Variants in SLC29A4 observed in about 807,000 individuals in gnomAD.
SLC29A4 encodes equilibrative nucleoside transporter 4.
SLC29A4 carries 36 observed loss-of-function variants against 43.9 expected under a neutral mutation model. The observed-to-expected ratio is 0.82, with a 90% CI of 0.63 to 1.08. SLC29A4 has a LOEUF of 1.08. Among genes scored for constraint, SLC29A4 ranks in the 50% least tolerant of loss-of-function variants. The pLI, the probability that SLC29A4 is intolerant of heterozygous loss-of-function variation, is 0.00. For synonymous variants in SLC29A4, 491 were observed against 338.0 expected, an observed-to-expected ratio of 1.45 and a Z score of -4.97; for missense variants, 869 against 755.3, an observed-to-expected ratio of 1.15 and a Z score of -1.77.
At chr7:5,298,940 C>T (rs1785918464) in intron 7 of SLC29A4, 48 bp from the exon 8 acceptor site, 9 of 1,582,962 alleles carry the variant, frequency 5.7e-6, no homozygotes, top group African/African-American at 4.0e-5. Context: ...CCCGTGTCTC[C>T]TGTCCTCCCT....
At chr7:5,287,752 G>A (rs538654646) in intron 1 of SLC29A4, 57 bp from the exon 2 acceptor site, 1 of 1,554,818 alleles carries the variant, frequency 6.4e-7, no homozygotes, top group Admixed American at 1.9e-5. Context: ...CAGTGCATGA[G>A]CCATGGATCC....
chr7:5,305,574 T>G lies in SLC29A4; in HGVS notation c.*2635T>G, dbSNP rs1786442900. 1 of 151,098 alleles carries G rather than the reference T, an allele frequency of 6.6e-6. No individual in the cohort carries two copies. The highest frequency in any genetic ancestry group is 1.5e-5 in the Non-Finnish European group (1 of 67,802). 9.4% of individuals were successfully genotyped at this position (151,098 alleles called of 1,614,324 possible). The stretch of plus-strand genomic sequence containing the variant: ...CAGCTTTGCTTTTTTTTTTTTTTTT[T>G]TTGGAGGAGTTTCGCTTTTGTTGCC... On this transcript the variant is annotated 3_prime_UTR_variant, in exon 11 of 11. Coordinates refer to ENST00000396872, the MANE Select transcript of SLC29A4 (RefSeq NM_153247.4).
chr7:5,294,430 A>G (rs1399565438), intron 5 of SLC29A4, among the ~76,000 whole-genome samples: 2 of 151,994 alleles, frequency 1.3e-5, no homozygotes, highest in African/African-American at 4.8e-5. Context: ...CAGTGGTTCC[A>G]TAGAACAAGC....
intron 1 of SLC29A4, among the ~76,000 whole-genome samples, chr7:5,287,072 T>TC (rs1785000979): frequency 6.6e-6 from 1 of 152,094 alleles, no homozygotes; most frequent in Admixed American, 6.6e-5. Flanking sequence ...GCCATTCTCC[T>TC]CCCCTCTGAC....
Position 5,291,108 on chromosome 7 carries a change from C to A in SLC29A4, c.302-16C>A. 1 of 1,612,576 alleles carries A rather than the reference C, an allele frequency of 6.2e-7. No individual in the cohort carries two copies. Among genetic ancestry groups the A allele is most frequent in the Non-Finnish European group, 8.5e-7 (1 of 1,179,148 alleles). On this transcript the variant is annotated splice_polypyrimidine_tract_variant and intron_variant, in intron 3 of 10. Coordinates refer to ENST00000396872, the MANE Select transcript of SLC29A4 (RefSeq NM_153247.4). The stretch of plus-strand genomic sequence containing the variant: ...TGGGGCCTCCCTGAGCACCTGCTGT[C>A]TCTGGCCCTCTGCAGGGACCTCCAT...
At chr7:5,288,101 C>T (rs1251682254) in intron 2 of SLC29A4, 116 bp downstream of exon 2, 121 of 1,279,496 alleles carry the variant, frequency 9.5e-5, no homozygotes, top group Non-Finnish European at 1.2e-4. Flanking sequence ...GGACTGGAGG[C>T]AGTGCCTGTC....
Position 5,291,165 on chromosome 7 carries a change from G to A in SLC29A4, c.343G>A (p.Val115Met). The A allele has an allele frequency of 3.1e-6, 5 of 1,613,898 alleles. No individual in the cohort carries two copies. The highest frequency in any genetic ancestry group is 4.2e-6 in the Non-Finnish European group (5 of 1,180,020). The change falls in exon 4 of 11, where the codon GTG becomes ATG. Residue 115 changes from valine (V) to methionine (M), a missense_variant. Coordinates refer to ENST00000396872, the MANE Select transcript of SLC29A4 (RefSeq NM_153247.4). The part of the protein sequence containing the change: ...VFDMSLTYIL[V>M]ALAAVLLNNV... Reference sequence around the variant, plus strand: ...TGACATGAGCCTCACCTACATCTTGGTGGCACTGGCAGCTGTCCTCCTGAA... The same window carrying A: ...TGACATGAGCCTCACCTACATCTTGATGGCACTGGCAGCTGTCCTCCTGAA...
intron 9 of SLC29A4, among the ~76,000 whole-genome samples, chr7:5,299,730 C>A (rs1279392450): frequency 6.6e-6 from 1 of 152,184 alleles, no homozygotes; most frequent in Non-Finnish European, 1.5e-5. Flanking sequence ...AGAGGGGACT[C>A]AGAGAAGGCA....
At chr7:5,298,074 C>T (rs545824810) in intron 7 of SLC29A4, among the ~76,000 whole-genome samples, 113 of 152,208 alleles carry the variant, frequency 7.4e-4, no homozygotes, top group Non-Finnish European at 1.0e-3. Flanking sequence ...AGAGGCGGGG[C>T]GAGGGAGCCA....
In SLC29A4 at chr7:5,284,032, A is replaced by ACCCCCCCCCC. The variant is rs79051188; in HGVS notation, c.-9+952_-9+961dup. Among the ~76,000 whole-genome samples, 18 of 72,330 alleles carry ACCCCCCCCCC rather than the reference A, an allele frequency of 2.5e-4. 1 individual carries two copies. The highest frequency in any genetic ancestry group is 4.5e-4 in the African/African-American group (9 of 19,826). The allele number at this position is 72,330 out of a possible 152,430, so 47.5% of individuals were successfully genotyped here. On this transcript the variant is annotated intron_variant, in intron 1 of 10. Transcript: ENST00000396872. ...GCCAGGCTCCAGTCTGAGCTGCACG[A>ACCCCCCCCCC]CCCCCCCCCCCACCCCCGACTTGGC...
At chr7:5,301,764 G>GA (rs1786182572) in intron 10 of SLC29A4, among the ~76,000 whole-genome samples, 1 of 152,144 alleles carries the variant, frequency 6.6e-6, no homozygotes, top group Non-Finnish European at 1.5e-5. Context: ...GGGTGTGGGA[G>GA]AGGGAAGGGG....
chr7:5,287,927 G>C lies in SLC29A4; in HGVS notation c.111G>C (p.Ala37=). The C allele has an allele frequency of 6.2e-7, 1 of 1,611,928 alleles. No individual in the cohort carries two copies. The highest frequency in any genetic ancestry group is 8.5e-7 in the Non-Finnish European group (1 of 1,179,808). Residue 37 remains alanine, a synonymous_variant, in exon 2 of 11, where the codon GCG becomes GCC. Coordinates refer to ENST00000396872, the MANE Select transcript of SLC29A4 (RefSeq NM_153247.4). ...TFDSHQLEEA[A]EAAQGQGLRA... is the part of the protein sequence containing the mutation. ...ACAGTCACCAGCTGGAGGAGGCGGCGGAGGCGGCTCAGGGCCAGGGCCTTA... is the reference window on the plus strand; with the variant it reads ...ACAGTCACCAGCTGGAGGAGGCGGCCGAGGCGGCTCAGGGCCAGGGCCTTA...
chr7:5,299,418 C>T lies in SLC29A4; in HGVS notation c.1200C>T (p.Phe400=), dbSNP rs142638970. ...LIMAVFNLSD[F]VGKILAALPV... is the part of the protein sequence containing the mutation. Reference sequence around the variant, plus strand: ...TGGCTGTGTTCAACCTGTCAGACTTCGTGGGCAAGGTGGGCTGCCTGCCCT... The same window carrying T: ...TGGCTGTGTTCAACCTGTCAGACTTTGTGGGCAAGGTGGGCTGCCTGCCCT... Residue 400 remains phenylalanine, a synonymous_variant, in exon 9 of 11, where the codon TTC becomes TTT. Transcript: ENST00000396872. 7,733 of 1,610,692 alleles carry T rather than the reference C, an allele frequency of 4.8e-3. 25 individuals carry two copies. The highest frequency in any genetic ancestry group is 6.2e-3 in the Non-Finnish European group (7,253 of 1,178,840).
In SLC29A4 at chr7:5,303,030, C is replaced by T. The variant is rs973779543; in HGVS notation, c.*91C>T. 1.0e-4 allele frequency: 143 copies of T among 1,430,320 alleles called. No individual in the cohort carries two copies. The highest frequency in any genetic ancestry group is 1.2e-4 in the Non-Finnish European group (123 of 1,061,390). 88.6% of individuals were successfully genotyped at this position (1,430,320 alleles called of 1,614,324 possible). ...TCCCCTGTCCCCACCTCAGTGCCTGCGGGGCCCTGAGCCTCCCCCTGTGCC... is the reference window on the plus strand; with the variant it reads ...TCCCCTGTCCCCACCTCAGTGCCTGTGGGGCCCTGAGCCTCCCCCTGTGCC... On this transcript the variant is annotated 3_prime_UTR_variant, in exon 11 of 11. Transcript: ENST00000396872.
At chr7:5,297,615 C>T (rs936035688) in intron 7 of SLC29A4, among the ~76,000 whole-genome samples, 3 of 152,252 alleles carry the variant, frequency 2.0e-5, no homozygotes, top group East Asian at 1.9e-4. Context: ...CAGGCTCAGC[C>T]TGGCAGCAAA....
intron 9 of SLC29A4, among the ~76,000 whole-genome samples, chr7:5,300,164 T>G (rs537224260): frequency 6.6e-6 from 1 of 151,932 alleles, no homozygotes; most frequent in East Asian, 1.9e-4. Context: ...CCCGGGAGTT[T>G]GAGGCTGCAG....
rs2128093740 is a variant in SLC29A4 at position 5,303,820 on chromosome 7, GC to G, written c.*882del. On this transcript the variant is annotated 3_prime_UTR_variant, in exon 11 of 11. Coordinates refer to ENST00000396872, the MANE Select transcript of SLC29A4 (RefSeq NM_153247.4). ...AAGGGTCCCTGGAACGTAGGGAGGGGCTGGGGGTCAGTCCAGCCCGGGCCTC... is the reference window on the plus strand; with the variant it reads ...AAGGGTCCCTGGAACGTAGGGAGGGGTGGGGGTCAGTCCAGCCCGGGCCTC... The G allele has an allele frequency of 6.6e-6, 1 of 152,378 alleles. No individual in the cohort carries two copies. The highest frequency in any genetic ancestry group is 1.9e-4 in the East Asian group (1 of 5,174). 9.4% of individuals were successfully genotyped at this position (152,378 alleles called of 1,614,324 possible). A position where few individuals can be genotyped will look rare whatever the true frequency, so the allele number is the denominator to read the frequency against.
At chr7:5,297,276 G>C (rs1285257091) in intron 7 of SLC29A4, 78 bp downstream of exon 7, 38 of 1,414,408 alleles carry the variant, frequency 2.7e-5, no homozygotes, top group Non-Finnish European at 3.5e-5. Context: ...AAGTACCTGG[G>C]GCCCAGCCTC....
chr7:5,297,614 C>T (rs1348744381), intron 7 of SLC29A4, among the ~76,000 whole-genome samples: 2 of 152,240 alleles, frequency 1.3e-5, no homozygotes, highest in African/African-American at 2.4e-5. Flanking sequence ...GCAGGCTCAG[C>T]CTGGCAGCAA....
Sources: gnomAD v4.1 joint callset for allele counts (sites outside exome capture counted in the v4.1 genomes callset) on GRCh38, gnomAD v4.1.1 for gene constraint, MANE v1.5 for transcripts, NCBI Gene and HGNC (gene_info 2026-07-23, HGNC 2026-07-21) for gene names.